Variants in CFAP299 observed in about 807,000 individuals in gnomAD.
CFAP299 encodes cilia and flagella associated protein 299.
A neutral mutation model predicts 27.0 loss-of-function variants in CFAP299; 21 were observed. The ratio of observed to expected loss-of-function variants is 0.78; its 90% CI spans 0.55 to 1.12. The LOEUF (loss-of-function observed/expected upper bound fraction) is 1.12. Ranked by LOEUF, CFAP299 falls within the 50% of genes most tolerant of loss-of-function variation. CFAP299 has a pLI of 0.00. For synonymous variants in CFAP299, 104 were observed against 98.1 expected (o/e 1.06, Z -0.36); for missense variants, 310 against 276.6 (o/e 1.12, Z -0.86).
At chr4:80,670,441 G>C (rs1352539150) in intron 3 of CFAP299, among the ~76,000 whole-genome samples, 3 of 152,126 alleles carry the variant, frequency 2.0e-5, no homozygotes, top group Non-Finnish European at 4.4e-5. Flanking sequence ...TAGTGCCACA[G>C]TAAACATACG....
chr4:80,500,769 C>A (rs978085290), intron 2 of CFAP299, among the ~76,000 whole-genome samples: 2 of 152,060 alleles, frequency 1.3e-5, no homozygotes, highest in Non-Finnish European at 2.9e-5. Context: ...AAATAAGATA[C>A]CAACAAACCC....
At chr4:80,554,509 T>G (rs866525622) in intron 2 of CFAP299, among the ~76,000 whole-genome samples, 2 of 148,814 alleles carry the variant, frequency 1.3e-5, no homozygotes, top group African/African-American at 5.1e-5. Context: ...CCACTAGTTT[T>G]TTTTTTTTTT....
At chr4:80,371,896 C>CCT (rs1278711654) in intron 2 of CFAP299, among the ~76,000 whole-genome samples, 1 of 152,168 alleles carries the variant, frequency 6.6e-6, no homozygotes, top group Non-Finnish European at 1.5e-5. Flanking sequence ...CAGTTTCAAA[C>CCT]CTCTGCCCAT....
chr4:80,582,006 A>C (rs1027667688), intron 2 of CFAP299, among the ~76,000 whole-genome samples: 1 of 151,786 alleles, frequency 6.6e-6, no homozygotes, highest in African/African-American at 2.4e-5. Context: ...GTTAACTTCT[A>C]TTAATATTAC....
intron 2 of CFAP299, among the ~76,000 whole-genome samples, chr4:80,477,793 T>C (rs1481628194): frequency 2.6e-5 from 4 of 152,204 alleles, no homozygotes; most frequent in African/African-American, 9.6e-5. Context: ...TCCATCATTA[T>C]AATTGTTCCC....
chr4:80,780,139 C>T (rs1054286555), intron 3 of CFAP299, among the ~76,000 whole-genome samples: 3 of 152,058 alleles, frequency 2.0e-5, no homozygotes, highest in Non-Finnish European at 4.4e-5. Flanking sequence ...CTCTCCACAT[C>T]TGCAAATCCT....
intron 3 of CFAP299, among the ~76,000 whole-genome samples, chr4:80,866,059 TTATATATATATATATATA>T (rs70956073): frequency 0.06 from 3,522 of 58,388 alleles, 271 homozygotes; most frequent in African/African-American, 0.11. Context: ...ACTTAAAGTA[TTATATATATATATATATA>T]TATATATATA....
At chr4:80,322,821 C>T in the CFAP299 span, among the ~76,000 whole-genome samples, 2,788 of 152,238 alleles carry the variant, frequency 0.018, 92 homozygotes, top group African/African-American at 0.061. Context: ...GCCTGATGCC[C>T]TTCAAATCAC....
rs188687493 is a variant in CFAP299, at chr4:80,794,038, C to T, written c.334-75955C>T. 6.3e-4 allele frequency among the ~76,000 whole-genome samples: 96 copies of T among 152,308 alleles called. No individual in the cohort carries two copies. In the East Asian group the frequency reaches 0.016, roughly 25 times the overall value. On this transcript the variant is annotated intron_variant, in intron 3 of 5. Coordinates refer to ENST00000358105, the MANE Select transcript of CFAP299 (RefSeq NM_152770.3). Reference sequence around the variant, plus strand: ...TGTAGTTTCCCATTGACATTAATCACAGGGCATAGTAATACTAAGAGATGC... The same window carrying T: ...TGTAGTTTCCCATTGACATTAATCATAGGGCATAGTAATACTAAGAGATGC...
chr4:80,598,942 A>G (rs143522996), intron 3 of CFAP299, among the ~76,000 whole-genome samples: 1 of 152,326 alleles, frequency 6.6e-6, no homozygotes, highest in East Asian at 1.9e-4. Flanking sequence ...CACTTCCAGT[A>G]TAGAGTTACT....
At chr4:80,522,022 T>A (rs1471920473) in intron 2 of CFAP299, among the ~76,000 whole-genome samples, 1 of 152,048 alleles carries the variant, frequency 6.6e-6, no homozygotes, top group Non-Finnish European at 1.5e-5. Context: ...CTTTTTTAAA[T>A]TTTTTGAGAA....
intron 3 of CFAP299, among the ~76,000 whole-genome samples, chr4:80,804,250 T>C (rs1728753635): frequency 1.3e-5 from 2 of 152,274 alleles, no homozygotes; most frequent in South Asian, 2.1e-4. Flanking sequence ...TTTTGTAAAA[T>C]TGAAATTTTA....
chr4:80,687,955 C>G (rs999403883), intron 3 of CFAP299, among the ~76,000 whole-genome samples: 2 of 152,200 alleles, frequency 1.3e-5, no homozygotes, highest in South Asian at 2.1e-4. Context: ...AAGGGTCACT[C>G]CCACCCGAAT....
chr4:80,909,116 C>G (rs1735339741), intron 4 of CFAP299, among the ~76,000 whole-genome samples: 1 of 152,092 alleles, frequency 6.6e-6, no homozygotes, highest in Non-Finnish European at 1.5e-5. Context: ...CCTGTAATCA[C>G]TTACTTAAAC....
chr4:80,857,934 G>A (rs1248925638), intron 3 of CFAP299, among the ~76,000 whole-genome samples: 14 of 152,050 alleles, frequency 9.2e-5, no homozygotes, highest in Admixed American at 7.9e-4. Context: ...AATGAGTTAG[G>A]GAGGATTCCC....
chr4:80,413,750 C>CTTTTTTTT lies in CFAP299; in HGVS notation c.242+50876_242+50883dup, dbSNP rs66780627. ...CATTTGTCTGTATGTTTGTGTCATTCTTTTTTTTTTTTTTTTTGCTTTTAA... is the reference window on the plus strand; with the variant it reads ...CATTTGTCTGTATGTTTGTGTCATTCTTTTTTTTTTTTTTTTTTTTTTTTTGCTTTTAA... On this transcript the variant is annotated intron_variant, in intron 2 of 5. Transcript: ENST00000358105. Among the ~76,000 whole-genome samples, 752 of 107,364 alleles carry CTTTTTTTT rather than the reference C, an allele frequency of 7.0e-3. 3 individuals are homozygous for CTTTTTTTT. The highest frequency in any genetic ancestry group is 0.013 in the East Asian group (42 of 3,340). The allele number at this position is 107,364 out of a possible 152,430, so 70.4% of individuals were successfully genotyped here.
intron 3 of CFAP299, among the ~76,000 whole-genome samples, chr4:80,668,008 G>C (rs1741225617): frequency 6.6e-6 from 1 of 151,878 alleles, no homozygotes; most frequent in South Asian, 2.1e-4. Context: ...TTTGATAAAA[G>C]CCATTTTAAC....
intron 2 of CFAP299, among the ~76,000 whole-genome samples, chr4:80,394,988 G>T (rs546940143): frequency 7.9e-5 from 12 of 152,104 alleles, no homozygotes; most frequent in Middle Eastern, 3.4e-3. Context: ...GAGAAAGTTT[G>T]TATAGAATTT....
chr4:80,524,373 C>T (rs146065599), intron 2 of CFAP299, among the ~76,000 whole-genome samples: 2,212 of 151,964 alleles, frequency 0.015, 33 homozygotes, highest in South Asian at 0.077. Context: ...CAGTTTGTTT[C>T]TAGAGGGAAG....
Sources: gnomAD v4.1 joint callset for allele counts (sites outside exome capture counted in the v4.1 genomes callset) on GRCh38, gnomAD v4.1.1 for gene constraint, MANE v1.5 for transcripts, NCBI Gene and HGNC (gene_info 2026-07-23, HGNC 2026-07-21) for gene names.